Variants in EVC observed in about 807,000 individuals in gnomAD.
EVC encodes the protein EvC ciliary complex subunit 1, also known as evC complex member EVC.
Under a neutral mutation model 118.9 loss-of-function variants are expected in EVC, and 116 were observed. That is an observed-to-expected ratio of 0.98 (90% confidence interval 0.84 to 1.14). EVC has a LOEUF of 1.14. EVC is among the 50% of genes most tolerant of loss of function. EVC has a pLI of 0.00. For synonymous variants in EVC, 619 were observed against 534.7 expected (o/e 1.16, Z -2.18); for missense variants, 1,401 against 1,246.4 (o/e 1.12, Z -1.87).
chr4:5,825,435 G>C, the EVC span: 1,902 of 1,502,540 alleles, frequency 1.3e-3, 54 homozygotes, highest in East Asian at 0.043. The surrounding 1 kb of genome is among the most constrained non-coding windows in gnomAD (Gnocchi z 4.4). Flanking sequence ...GAAGCAGCAG[G>C]AAGGACTCGG....
chr4:5,802,358 T>A (rs1399965577), intron 16 of EVC, among the ~76,000 whole-genome samples: 1 of 151,946 alleles, frequency 6.6e-6, no homozygotes, highest in Non-Finnish European at 1.5e-5. Flanking sequence ...TGAGATGGAG[T>A]CAGGGCCAGG....
Position 5,804,770 on chromosome 4 carries a change from A to G in EVC, c.2490A>G (p.Glu830=). ...MENYKLRKKQ[E]LSNPSSGSRT... ...ATTACAAACTGCGGAAAAAGCAAGA[A>G]CTCAGCAACCCTTCGTCGGGCAGCA... The change falls in exon 17 of 21, where the codon GAA becomes GAG. Residue 830 remains glutamate (E), a synonymous_variant. Coordinates refer to ENST00000264956, the MANE Select transcript of EVC (RefSeq NM_153717.3). 1 of 1,614,030 alleles carries G rather than the reference A, an allele frequency of 6.2e-7. No homozygotes were observed. Among genetic ancestry groups the G allele is most frequent in the Non-Finnish European group, 8.5e-7 (1 of 1,180,004 alleles).
At chr4:5,788,907 C>G (rs1006756105) in intron 12 of EVC, among the ~76,000 whole-genome samples, 7 of 152,250 alleles carry the variant, frequency 4.6e-5, no homozygotes, top group African/African-American at 1.4e-4. Flanking sequence ...TGTTTTAGCT[C>G]CTGAGCTGTC....
At position 5,812,579 on chromosome 4, in the gene EVC, A is replaced by T. The variant is rs1280494105; in HGVS notation, c.*1542A>T. On this transcript the variant is annotated 3_prime_UTR_variant, in exon 21 of 21. Transcript: ENST00000264956. Reference sequence around the variant, plus strand: ...ACCACAGCCAGGAGAGGCCTTTCCCACCTGGAGAGAAACTTCCAGACCAGC... The same window carrying T: ...ACCACAGCCAGGAGAGGCCTTTCCCTCCTGGAGAGAAACTTCCAGACCAGC... 2 of 166,326 alleles carry T rather than the reference A, an allele frequency of 1.2e-5. No homozygotes were observed. The highest frequency in any genetic ancestry group is 3.8e-4 in the East Asian group (2 of 5,198). 10.3% of individuals were successfully genotyped at this position (166,326 alleles called of 1,614,324 possible).
At position 5,798,654 on chromosome 4, in the gene EVC, G is replaced by T; in HGVS notation, c.2166G>T (p.Gln722His). The T allele has an allele frequency of 6.3e-7, 1 of 1,596,644 alleles. No individual in the cohort carries two copies. The highest frequency in any genetic ancestry group is 2.3e-5 in the East Asian group (1 of 44,024). Reference protein sequence around the residue: ...EEAQQTRLQLQQRLLAEAQEV... With the variant: ...EEAQQTRLQLHQRLLAEAQEV... ...CACAGCAGACACGGCTGCAGCTCCA[G>T]CAGCGGCTCCTGGCCGAGGCCCAGG... is the stretch of plus-strand genomic sequence containing the variant. The change falls in exon 15 of 21, where the codon CAG becomes CAT. Residue 722 changes from glutamine to histidine, a missense_variant. Gln to His is a conservative substitution (Grantham distance 24, BLOSUM62 0). Transcript: ENST00000264956. The surrounding 1 kb of genome is among the most constrained non-coding windows in gnomAD (Gnocchi z 4.1).
chr4:5,770,541 A>G (rs546354916), intron 11 of EVC, among the ~76,000 whole-genome samples: 1 of 152,178 alleles, frequency 6.6e-6, no homozygotes, highest in Non-Finnish European at 1.5e-5. Context: ...GCCTCGTAAC[A>G]TTCTAGTGGG....
rs202236029 is a variant in EVC at position 5,802,036 on chromosome 4, C to G, written c.2391C>G (p.Ile797Met). ...TGGTGCAGGCGTATTACCAGCAAAT[C>G]GGAAGGATCATGGAGGACCACGAGG... Reference protein sequence around the residue: ...SRLVQAYYQQIGRIMEDHEER... With the variant: ...SRLVQAYYQQMGRIMEDHEER... The change falls in exon 16 of 21, where the codon ATC becomes ATG. Residue 797 changes from isoleucine to methionine, a missense_variant. Ile to Met is a conservative substitution (Grantham distance 10). Coordinates refer to ENST00000264956, the MANE Select transcript of EVC (RefSeq NM_153717.3). 2 of 1,614,202 alleles carry G rather than the reference C, an allele frequency of 1.2e-6. No individual in the cohort carries two copies. Among genetic ancestry groups the G allele is most frequent in the Admixed American group, 3.3e-5 (2 of 60,032 alleles).
chr4:5,803,797 G>T (rs781052657), intron 16 of EVC, among the ~76,000 whole-genome samples: 3 of 152,186 alleles, frequency 2.0e-5, no homozygotes, highest in East Asian at 1.9e-4. Context: ...GCCTCCTGCC[G>T]TGGCCACTGA....
Position 5,723,479 on chromosome 4 carries a change from G to A in EVC, c.300+4106G>A, listed in dbSNP as rs148547369. Among the ~76,000 whole-genome samples the A allele has an allele frequency of 8.7e-3, 1,324 of 152,150 alleles. 21 individuals carry two copies. The highest frequency in any genetic ancestry group is 0.029 in the African/African-American group (1,220 of 41,522). On this transcript the variant is annotated intron_variant, in intron 2 of 20. Transcript: ENST00000264956. ...GCTGGGATTACAGGTGTGAGCCACC[G>A]CGCCTGGTCCTTTCCTTTTCATAAT...
chr4:5,797,865 G>C (rs1276564003), intron 14 of EVC, among the ~76,000 whole-genome samples: 5 of 152,226 alleles, frequency 3.3e-5, no homozygotes, highest in Non-Finnish European at 7.3e-5. Flanking sequence ...GGGTATGGTA[G>C]AGAAGGCCTC....
chr4:5,711,574 A>C lies in EVC; in HGVS notation c.174+20A>C. The stretch of plus-strand genomic sequence containing the variant: ...CACCAGGTGGGTCGGCCGAGCAGAC[A>C]GCGGCGGGGCGGGGAGCGCGGGGCG... On this transcript the variant is annotated intron_variant, in intron 1 of 20. Transcript: ENST00000264956. The C allele has an allele frequency of 1.7e-6, 2 of 1,161,384 alleles. No homozygotes were observed. Among genetic ancestry groups the C allele is most frequent in the Non-Finnish European group, 1.1e-6 (1 of 943,168 alleles). 71.9% of individuals were successfully genotyped at this position (1,161,384 alleles called of 1,614,324 possible). A position where few individuals can be genotyped will look rare whatever the true frequency, so the allele number is the denominator to read the frequency against.
intron 17 of EVC, 65 bp from the exon 18 acceptor site, chr4:5,808,136 T>TTC: frequency 6.5e-6 from 2 of 306,554 alleles, no homozygotes; most frequent in Non-Finnish European, 1.4e-5. Flanking sequence ...TCCTTCTCCC[T>TTC]CCCTCCCTCC....
the EVC span, chr4:5,828,024 G>A: frequency 9.7e-4 from 958 of 984,750 alleles, 6 homozygotes; most frequent in African/African-American, 0.015. Flanking sequence ...AAGAAAGGGC[G>A]GATCTGAAGG....
intron 5 of EVC, among the ~76,000 whole-genome samples, chr4:5,740,086 A>G (rs1004463463): frequency 2.6e-5 from 4 of 152,194 alleles, no homozygotes; most frequent in Non-Finnish European, 5.9e-5. Flanking sequence ...ACAACGACAA[A>G]AGAACCTCAA....
rs1310943966 is a variant in EVC, at chr4:5,798,539, C to G, written c.2098-47C>G. On this transcript the variant is annotated intron_variant, in intron 14 of 20. Coordinates refer to ENST00000264956, the MANE Select transcript of EVC (RefSeq NM_153717.3). This position sits in a 1 kb window ranked among gnomAD's most constrained non-coding sequence, Gnocchi z 4.1. Reference sequence around the variant, plus strand: ...CATCCCAGTCCTGGCCAGAGCTTCTCTGTGAGAGGAGCACTTGGCCCCTGC... The same window carrying G: ...CATCCCAGTCCTGGCCAGAGCTTCTGTGTGAGAGGAGCACTTGGCCCCTGC... The G allele has an allele frequency of 6.5e-7, 1 of 1,536,122 alleles. No individual in the cohort carries two copies.
chr4:5,730,621 G>A (rs1368021676), intron 3 of EVC, among the ~76,000 whole-genome samples: 1 of 152,020 alleles, frequency 6.6e-6, no homozygotes, highest in Non-Finnish European at 1.5e-5. Context: ...CACCGAGAAT[G>A]CAGGACAGTG....
chr4:5,824,993 C>T, the EVC span: 2 of 985,362 alleles, frequency 2.0e-6, no homozygotes, highest in Non-Finnish European at 2.4e-6. Flanking sequence ...TTGGGGCTTC[C>T]GTTTCCTCTT....
At chr4:5,771,838 T>C (rs1048298418) in intron 11 of EVC, among the ~76,000 whole-genome samples, 4 of 152,130 alleles carry the variant, frequency 2.6e-5, no homozygotes, top group African/African-American at 9.7e-5. Flanking sequence ...GGCTGGGTGA[T>C]TCATATCTCC....
At position 5,749,973 on chromosome 4, in the gene EVC, T is replaced by G. The variant is rs948594520; in HGVS notation, c.1098+1667T>G. ...TCCTCCACCCTTCCCAAGCAGGATC[T>G]GCACTTTAACAAGACCCCCACATCC... On this transcript the variant is annotated intron_variant, in intron 8 of 20. Transcript: ENST00000264956. The surrounding 1 kb of genome is among the most constrained non-coding windows in gnomAD (Gnocchi z 4.4). Among the ~76,000 whole-genome samples the G allele has an allele frequency of 3.3e-5, 5 of 152,196 alleles. No individual in the cohort carries two copies. Among genetic ancestry groups the G allele is most frequent in the Non-Finnish European group, 7.3e-5 (5 of 68,040 alleles).
Sources: gnomAD v4.1 joint callset for allele counts (sites outside exome capture counted in the v4.1 genomes callset) on GRCh38, gnomAD v4.1.1 for gene constraint, Gnocchi (gnomAD v3.1) non-coding constraint, MANE v1.5 for transcripts, NCBI Gene and HGNC (gene_info 2026-07-23, HGNC 2026-07-21) for gene names.